USP9X: variants seen among roughly 807,000 people sequenced by gnomAD.
USP9X encodes the protein ubiquitin specific peptidase 9 X-linked.
A neutral mutation model predicts 190.3 loss-of-function variants in USP9X; 7 were observed. The observed-to-expected ratio is 0.04, with a 90% CI of 0.02 to 0.07. The LOEUF (loss-of-function observed/expected upper bound fraction) is 0.07. USP9X is among the 10% of genes least tolerant of loss of function. The pLI is 1.00. For synonymous variants in USP9X, 645 were observed against 659.5 expected (o/e 0.98, Z 0.34); for missense variants, 1,010 against 1,916.9 (o/e 0.53, Z 8.83).
In USP9X at chrX:41,232,476, T is replaced by C. The variant is rs2063369623; in HGVS notation, c.7617T>C (p.Asn2539=). 1 of 1,210,936 alleles carries C rather than the reference T, an allele frequency of 8.3e-7. No individual in the cohort carries two copies. Among genetic ancestry groups the C allele is most frequent in the Non-Finnish European group, 1.1e-6 (1 of 895,138 alleles). Residue 2539 remains asparagine (N), a synonymous_variant, in exon 45 of 45, where the codon AAT becomes AAC. Coordinates refer to ENST00000378308, the MANE Select transcript of USP9X (RefSeq NM_001039591.3). ...GAACTGGCCAACGAGCACAAGAAAA[T>C]TATGAAGGCAGTGAAGAAGTATCCC... ...PQRTGQRAQE[N]YEGSEEVSPP...
At chrX:41,168,304 T>C (rs2062694896) in intron 18 of USP9X, 86 bp downstream of exon 18, 1 of 861,835 alleles carries the variant, frequency 1.2e-6, no homozygotes, top group Non-Finnish European at 1.5e-6. Flanking sequence ...CAGAAATTTT[T>C]CTCGTTTGAA....
At position 41,099,096 on chromosome X, in the gene USP9X, GTT is replaced by G. The variant is rs34179321; in HGVS notation, c.-159+13012_-159+13013del. Among the ~76,000 whole-genome samples, 88 of 44,266 alleles carry G rather than the reference GTT, an allele frequency of 2.0e-3. 1 individual carries two copies. Among genetic ancestry groups the G allele is most frequent in the African/African-American group, 6.8e-3 (68 of 9,932 alleles). The allele number at this position is 44,266 out of a possible 115,157, so 38.4% of individuals were successfully genotyped here. ...CACATGCCATAATGCCCAGATAATT[GTT>G]TTTTTTTTTTTTTTTTTTTTTTTTA... On this transcript the variant is annotated intron_variant, in intron 1 of 44. Transcript: ENST00000378308.
chrX:41,169,144 ATTTTTT>A (rs769389002), intron 18 of USP9X, among the ~76,000 whole-genome samples: 3 of 105,732 alleles, frequency 2.8e-5, no homozygotes, highest in Admixed American at 1.0e-4. Context: ...CTTTTTTTGA[ATTTTTT>A]TTTTTATTAA....
intron 24 of USP9X, among the ~76,000 whole-genome samples, chrX:41,187,770 A>G (rs1427357665): frequency 2.7e-5 from 3 of 109,590 alleles, no homozygotes; most frequent in African/African-American, 6.7e-5. Context: ...GTAGTGAGCT[A>G]TGATCACACC....
At chrX:41,108,562 T>C (rs2062086197) in intron 1 of USP9X, among the ~76,000 whole-genome samples, 1 of 111,575 alleles carries the variant, frequency 9.0e-6, no homozygotes, top group Non-Finnish European at 1.9e-5. Flanking sequence ...AGCTGCTTAT[T>C]ACCATGATCT....
chrX:41,232,295 G>A (rs2063367742), intron 44 of USP9X, 92 bp from the exon 45 acceptor site: 4 of 970,608 alleles, frequency 4.1e-6, no homozygotes, highest in Admixed American at 6.2e-5. Context: ...CCAAGAATAA[G>A]AGTATACATT....
At position 41,123,655 on chromosome X, in the gene USP9X, G is replaced by A. The variant is rs746901867; in HGVS notation, c.27G>A (p.Pro9=). ...TGACAGCCACGACTCGTGGCTCTCC[G>A]GTCGGAGGGAATGACAACCAGGGCC... is the stretch of plus-strand genomic sequence containing the variant. MTATTRGS[P]VGGNDNQGQA... The change falls in exon 2 of 45, where the codon CCG becomes CCA. Residue 9 remains proline (P), a synonymous_variant. Transcript: ENST00000378308. The A allele has an allele frequency of 1.2e-4, 147 of 1,209,764 alleles. No homozygotes were observed. Among genetic ancestry groups the A allele is most frequent in the Non-Finnish European group, 1.5e-4 (137 of 895,101 alleles).
chrX:41,216,457 G>A lies in USP9X; in HGVS notation c.5890G>A (p.Glu1964Lys). 2 of 1,211,165 alleles carry A rather than the reference G, an allele frequency of 1.7e-6. No individual in the cohort carries two copies. The highest frequency in any genetic ancestry group is 3.5e-5 in the South Asian group (2 of 56,944). ...AATGGACACAATAGACCAAGATGAT[G>A]AGTTGATAAGATATATATCAGAGCT... Reference protein sequence around the residue: ...ERMDTIDQDDELIRYISELAI... With the variant: ...ERMDTIDQDDKLIRYISELAI... Residue 1964 changes from glutamate to lysine, a missense_variant, in exon 35 of 45, where the codon GAG becomes AAG. Glu to Lys is a moderately conservative substitution (Grantham distance 56, BLOSUM62 1). Coordinates refer to ENST00000378308, the MANE Select transcript of USP9X (RefSeq NM_001039591.3).
chrX:41,087,455 T>C (rs1052628819), intron 1 of USP9X, among the ~76,000 whole-genome samples: 3 of 112,415 alleles, frequency 2.7e-5, no homozygotes, highest in African/African-American at 9.7e-5. Context: ...TCGCTCGTCT[T>C]CTAATTCGCT....
chrX:41,215,888 G>A lies in USP9X; in HGVS notation c.5332-11G>A, dbSNP rs982938478. ...ATAGAACATCTGGTAACTTTGTCTT[G>A]TTTATTTTAGGTTGATACCGTAAAG... On this transcript the variant is annotated splice_polypyrimidine_tract_variant and intron_variant, in intron 34 of 44. Coordinates refer to ENST00000378308, the MANE Select transcript of USP9X (RefSeq NM_001039591.3). The A allele has an allele frequency of 8.7e-7, 1 of 1,152,306 alleles. No homozygotes were observed. The allele number at this position is 1,152,306 out of a possible 1,213,427, so 95.0% of individuals were successfully genotyped here.
In USP9X at chrX:41,189,143, T is replaced by C. The variant is rs1157228926; in HGVS notation, c.3811-166T>C. 2.7e-5 allele frequency among the ~76,000 whole-genome samples: 3 copies of C among 112,561 alleles called. 1 individual carries two copies. The highest frequency in any genetic ancestry group is 5.6e-5 in the Non-Finnish European group (3 of 53,285). On this transcript the variant is annotated intron_variant, in intron 25 of 44. Transcript: ENST00000378308. Reference sequence around the variant, plus strand: ...TAGACTTTATTTTCTATTATAGTCATTTCCAGACTATTCCAAAGGGGCCTC... The same window carrying C: ...TAGACTTTATTTTCTATTATAGTCACTTCCAGACTATTCCAAAGGGGCCTC...
At chrX:41,152,420 A>G (rs17275754) in intron 13 of USP9X, among the ~76,000 whole-genome samples, 17,532 of 110,971 alleles carry the variant, frequency 0.16, 1,216 homozygotes, top group East Asian at 0.41. Context: ...AGGTAGCAAA[A>G]CAGATTAGGG....
At chrX:41,107,539 C>G (rs897157176) in intron 1 of USP9X, among the ~76,000 whole-genome samples, 1 of 112,173 alleles carries the variant, frequency 8.9e-6, no homozygotes, top group Non-Finnish European at 1.9e-5. Context: ...TGGAATTTGT[C>G]GAACTTCCTG....
intron 38 of USP9X, among the ~76,000 whole-genome samples, chrX:41,222,745 G>A (rs778915019): frequency 5.4e-5 from 6 of 110,374 alleles, no homozygotes; most frequent in South Asian, 7.7e-4. Flanking sequence ...GTGAAACCCC[G>A]TCTCTACTAA....
chrX:41,210,884 A>C (rs1362471496), intron 33 of USP9X, among the ~76,000 whole-genome samples: 1 of 110,098 alleles, frequency 9.1e-6, no homozygotes, highest in Non-Finnish European at 1.9e-5. Context: ...AGTTCCTTCT[A>C]CTCTGCCTGA....
intron 33 of USP9X, among the ~76,000 whole-genome samples, chrX:41,211,924 A>G (rs1199232028): frequency 9.1e-6 from 1 of 109,418 alleles, no homozygotes; most frequent in Non-Finnish European, 1.9e-5. Flanking sequence ...GGAAGTGAGG[A>G]GCCCCTCTGC....
At chrX:41,198,864 T>C (rs1277731653) in intron 30 of USP9X, 114 bp downstream of exon 30, 5 of 731,511 alleles carry the variant, frequency 6.8e-6, no homozygotes, top group Middle Eastern at 4.8e-4. Context: ...GTAACTAGTT[T>C]AACATTTTTA....
chrX:41,172,607 G>A (rs2062736765), intron 21 of USP9X, among the ~76,000 whole-genome samples: 1 of 111,901 alleles, frequency 8.9e-6, no homozygotes, highest in Non-Finnish European at 1.9e-5. Context: ...CTTAAATCCA[G>A]ATTCAACATC....
At chrX:41,126,767 T>C (rs1220010858) in intron 2 of USP9X, among the ~76,000 whole-genome samples, 2 of 112,086 alleles carry the variant, frequency 1.8e-5, no homozygotes, top group Non-Finnish European at 3.8e-5. Context: ...TTACAAGATC[T>C]GACACGGTTG....
Sources: gnomAD v4.1 joint callset for allele counts (sites outside exome capture counted in the v4.1 genomes callset) on GRCh38, gnomAD v4.1.1 for gene constraint, MANE v1.5 for transcripts, NCBI Gene and HGNC (gene_info 2026-07-23, HGNC 2026-07-21) for gene names.